Variants in SLC15A1 observed in about 807,000 individuals in gnomAD.
SLC15A1 encodes the protein Caco-2 oligopeptide transporter.
SLC15A1 carries 83 observed loss-of-function variants against 92.9 expected under a neutral mutation model. The observed-to-expected ratio is 0.89, with a 90% CI of 0.75 to 1.07. SLC15A1 has a LOEUF of 1.07. Among genes scored for constraint, SLC15A1 ranks in the 50% least tolerant of loss-of-function variants. SLC15A1 has a pLI of 0.00. For missense variants in SLC15A1, 857 were observed against 880.1 expected (o/e 0.97, Z 0.33); for synonymous variants, 322 against 318.2 (o/e 1.01, Z -0.13).
intron 18 of SLC15A1, among the ~76,000 whole-genome samples, chr13:98,699,806 GCCACC>G (rs2088053219): frequency 1.3e-5 from 2 of 152,156 alleles, no homozygotes; most frequent in African/African-American, 4.8e-5. Flanking sequence ...AATTATTACA[GCCACC>G]TGATAGGTGT....
chr13:98,736,698 T>A lies in SLC15A1; in HGVS notation c.5-9839A>T, dbSNP rs372810155. The stretch of plus-strand genomic sequence containing the variant: ...GTGGGCAAAGGATATGAACAGACAC[T>A]TCTCAAAAGAAGACATTTATGCAGC... On this transcript the variant is annotated intron_variant, in intron 1 of 22. Coordinates refer to ENST00000376503, the MANE Select transcript of SLC15A1 (RefSeq NM_005073.4). 2.6e-5 allele frequency among the ~76,000 whole-genome samples: 4 copies of A among 152,270 alleles called. No individual in the cohort carries two copies. The East Asian group carries it at 5.8e-4, about 22-fold the overall frequency.
chr13:98,741,010 T>C (rs2088439306), intron 1 of SLC15A1, among the ~76,000 whole-genome samples: 1 of 152,188 alleles, frequency 6.6e-6, no homozygotes, highest in African/African-American at 2.4e-5. Flanking sequence ...GCTTGATGCT[T>C]TTTTTTCTTC....
intron 4 of SLC15A1, among the ~76,000 whole-genome samples, chr13:98,724,625 C>A (rs1299799156): frequency 2.0e-5 from 3 of 152,152 alleles, no homozygotes; most frequent in Non-Finnish European, 4.4e-5. Context: ...GGGCCCGCCA[C>A]CATGCCCGGC....
chr13:98,732,215 T>C (rs2088356732), intron 1 of SLC15A1, among the ~76,000 whole-genome samples: 1 of 152,206 alleles, frequency 6.6e-6, no homozygotes, highest in African/African-American at 2.4e-5. Flanking sequence ...AGAGGCATAT[T>C]TGAGTAGCCT....
chr13:98,693,087 G>A (rs1014637214), intron 18 of SLC15A1, among the ~76,000 whole-genome samples: 5 of 58,010 alleles, frequency 8.6e-5, no homozygotes, highest in African/African-American at 3.0e-4. Context: ...TATTGTCTAC[G>A]TTTTTTTTTT....
intron 1 of SLC15A1, among the ~76,000 whole-genome samples, chr13:98,734,059 G>A (rs568936466): frequency 6.6e-6 from 1 of 151,140 alleles, no homozygotes; most frequent in East Asian, 2.0e-4. Context: ...TCCGCCTCCC[G>A]GGTTCAAGCA....
In SLC15A1 at chr13:98,705,225, C is replaced by T. The variant is rs1318670388; in HGVS notation, c.1270-790G>A. 2.2e-5 allele frequency among the ~76,000 whole-genome samples: 3 copies of T among 136,838 alleles called. No homozygotes were observed. In the South Asian group the frequency reaches 7.3e-4, roughly 33 times the overall value. The allele number at this position is 136,838 out of a possible 152,430, so 89.8% of individuals were successfully genotyped here. On this transcript the variant is annotated intron_variant, in intron 16 of 22. Coordinates refer to ENST00000376503, the MANE Select transcript of SLC15A1 (RefSeq NM_005073.4). ...AAGAAAAAAAAAAAAAAAAAGGGAT[C>T]TCTGGGGCTGGGACCCAGGTATCAA...
chr13:98,709,152 A>G (rs1279375452), intron 14 of SLC15A1, among the ~76,000 whole-genome samples: 1 of 152,026 alleles, frequency 6.6e-6, no homozygotes, highest in Non-Finnish European at 1.5e-5. Flanking sequence ...TATTTTTAGT[A>G]GAGATGGGAA....
intron 1 of SLC15A1, among the ~76,000 whole-genome samples, chr13:98,750,402 C>T (rs1002205939): frequency 4.6e-5 from 7 of 152,148 alleles, no homozygotes; most frequent in South Asian, 2.1e-4. Flanking sequence ...TGAGCCACCG[C>T]GCCCAGCCCC....
intron 18 of SLC15A1, among the ~76,000 whole-genome samples, chr13:98,694,492 A>C (rs1478670568): frequency 6.6e-6 from 1 of 152,194 alleles, no homozygotes; most frequent in Non-Finnish European, 1.5e-5. Context: ...AAAGGATACC[A>C]TACTCATACA....
chr13:98,708,187 C>CTT (rs2088131275), intron 15 of SLC15A1, among the ~76,000 whole-genome samples: 1 of 151,874 alleles, frequency 6.6e-6, no homozygotes, highest in Non-Finnish European at 1.5e-5. Flanking sequence ...AGACCCTTAC[C>CTT]CACCACATAA....
intron 1 of SLC15A1, among the ~76,000 whole-genome samples, chr13:98,746,425 G>T (rs571779360): frequency 6.6e-6 from 1 of 152,224 alleles, no homozygotes; most frequent in South Asian, 2.1e-4. Flanking sequence ...GTTCTTGGAG[G>T]AGTTGTCACA....
chr13:98,688,805 GC>G (rs1224399463), intron 18 of SLC15A1, among the ~76,000 whole-genome samples: 1 of 152,196 alleles, frequency 6.6e-6, no homozygotes, highest in Non-Finnish European at 1.5e-5. Context: ...GTTTATATGT[GC>G]TGGTTACTGC....
chr13:98,736,927 C>T (rs1351921041), intron 1 of SLC15A1, among the ~76,000 whole-genome samples: 3 of 152,218 alleles, frequency 2.0e-5, no homozygotes, highest in African/African-American at 7.2e-5. Flanking sequence ...TTGTGGAAGA[C>T]AGTGTGGCAA....
intron 1 of SLC15A1, among the ~76,000 whole-genome samples, chr13:98,728,518 G>A (rs1326525309): frequency 6.6e-6 from 1 of 152,094 alleles, no homozygotes; most frequent in African/African-American, 2.4e-5. Flanking sequence ...TTGATCTCAT[G>A]GAGGTAGTAG....
At chr13:98,709,691 C>T in intron 13 of SLC15A1, 31 bp from the exon 14 acceptor site, 1 of 1,614,116 alleles carries the variant, frequency 6.2e-7, no homozygotes, top group Non-Finnish European at 8.5e-7. Flanking sequence ...AAATGTTAAG[C>T]TTGTCTCAAA....
At chr13:98,698,464 G>A (rs1349775496) in intron 18 of SLC15A1, among the ~76,000 whole-genome samples, 1 of 152,078 alleles carries the variant, frequency 6.6e-6, no homozygotes, top group African/African-American at 2.4e-5. Flanking sequence ...TTGGAGACAG[G>A]GTCTCACTCT....
chr13:98,708,306 C>T (rs1415652934), intron 15 of SLC15A1, among the ~76,000 whole-genome samples: 2 of 152,098 alleles, frequency 1.3e-5, no homozygotes, highest in Non-Finnish European at 2.9e-5. Context: ...TTTAGAAACA[C>T]TAGAATTCAA....
chr13:98,713,298 G>A (rs529547052), intron 9 of SLC15A1, among the ~76,000 whole-genome samples: 2 of 152,124 alleles, frequency 1.3e-5, no homozygotes, highest in Admixed American at 6.5e-5. Flanking sequence ...CTGAGCTCAG[G>A]CGATCCACTC....
Sources: allele counts gnomAD v4.1 joint callset (sites outside exome capture counted in the v4.1 genomes callset), GRCh38; gene constraint gnomAD v4.1.1; transcripts MANE v1.5; gene names NCBI Gene and HGNC (gene_info 2026-07-23, HGNC 2026-07-21).